The following EXTL3 variants were observed in gnomAD, a reference collection of about 807,000 sequenced individuals.
The protein encoded by EXTL3 is exostosin like glycosyltransferase 3.
Under a neutral mutation model 69.3 loss-of-function variants are expected in EXTL3, and 27 were observed. That is an observed-to-expected ratio of 0.39 (90% CI 0.29 to 0.54). EXTL3 has a LOEUF of 0.54. Among genes scored for constraint, EXTL3 ranks in the 20% least tolerant of loss-of-function variants. EXTL3 has a pLI of 0.69. For synonymous variants in EXTL3, 511 were observed against 499.4 expected (o/e 1.02, Z -0.31); for missense variants, 1,003 against 1,231.8 (o/e 0.81, Z 2.78).
intron 1 of EXTL3, among the ~76,000 whole-genome samples, chr8:28,694,507 C>G (rs909372267): frequency 6.6e-6 from 1 of 152,216 alleles, no homozygotes; most frequent in Non-Finnish European, 1.5e-5. Flanking sequence ...CGGAGCACAG[C>G]TGGTAAAGTT....
chr8:28,717,067 G>A lies in EXTL3; in HGVS notation c.1008G>A (p.Pro336=), dbSNP rs1447935875. ...TCATGGAAATCCCACCACAGGTGCC[G>A]GTGAAGCGGAAATATCTCTTCACCT... ...PNFMEIPPQV[P]VKRKYLFTFQ... Residue 336 remains proline (P), a synonymous_variant, in exon 3 of 7, where the codon CCG becomes CCA. Coordinates refer to ENST00000220562, the MANE Select transcript of EXTL3 (RefSeq NM_001440.4). The surrounding 1 kb of genome is among the most constrained non-coding windows in gnomAD (Gnocchi z 8.3). 11 of 1,614,184 alleles carry A rather than the reference G, an allele frequency of 6.8e-6. No individual in the cohort carries two copies. The highest frequency in any genetic ancestry group is 3.3e-5 in the South Asian group (3 of 91,078).
chr8:28,705,788 T>C (rs1380674367), intron 1 of EXTL3, among the ~76,000 whole-genome samples: 1 of 152,218 alleles, frequency 6.6e-6, no homozygotes, highest in Non-Finnish European at 1.5e-5. Flanking sequence ...AAAATCCATC[T>C]GAAGACCTTA....
intron 1 of EXTL3, among the ~76,000 whole-genome samples, chr8:28,692,356 G>A (rs1563205754): frequency 1.3e-5 from 2 of 152,148 alleles, no homozygotes; most frequent in Non-Finnish European, 2.9e-5. Flanking sequence ...TTATTATTGT[G>A]TTCTGGGATT....
intron 1 of EXTL3, among the ~76,000 whole-genome samples, chr8:28,627,962 A>G (rs1328521889): frequency 6.6e-6 from 1 of 152,178 alleles, no homozygotes; most frequent in African/African-American, 2.4e-5. Flanking sequence ...TTTAATGGGT[A>G]CAGAGTTTCA....
rs150492641 is a variant in EXTL3 at position 28,638,526 on chromosome 8, C to G, written c.-53+15716C>G. ...CTCTTTCCAAGTGATGGCAAAATGCCTGCCAGCATCTCCAAGCTGAGACCC... is the reference window on the plus strand; with the variant it reads ...CTCTTTCCAAGTGATGGCAAAATGCGTGCCAGCATCTCCAAGCTGAGACCC... On this transcript the variant is annotated intron_variant, in intron 1 of 6. Transcript: ENST00000523149. Among the ~76,000 whole-genome samples, 37 of 152,334 alleles carry G rather than the reference C, an allele frequency of 2.4e-4. 1 individual carries two copies. Among genetic ancestry groups the G allele is most frequent in the African/African-American group, 8.7e-4 (36 of 41,584 alleles).
intron 1 of EXTL3, chr8:28,678,142 G>C (rs1807419082): frequency 6.6e-6 from 1 of 152,480 alleles, no homozygotes; most frequent in Non-Finnish European, 1.5e-5. Context: ...AAGAAGGCAC[G>C]TGGCCTGTGG....
At chr8:28,673,324 G>A (rs907951397) in intron 1 of EXTL3, among the ~76,000 whole-genome samples, 6 of 152,146 alleles carry the variant, frequency 3.9e-5, no homozygotes, top group South Asian at 2.1e-4. Context: ...GTGTCTTTGC[G>A]GGTGTTTCTG....
chr8:28,694,186 G>A (rs1444632546), intron 1 of EXTL3, among the ~76,000 whole-genome samples: 2 of 152,144 alleles, frequency 1.3e-5, no homozygotes, highest in Non-Finnish European at 2.9e-5. Context: ...AAACACGTGG[G>A]GAAAAATAAG....
intron 1 of EXTL3, among the ~76,000 whole-genome samples, chr8:28,648,501 G>A (rs59527769): frequency 0.069 from 10,534 of 152,180 alleles, 946 homozygotes; most frequent in African/African-American, 0.2. Context: ...ATAACATCTC[G>A]TAGTCACTAC....
At position 28,731,272 on chromosome 8, in the gene EXTL3, A is replaced by G; in HGVS notation, c.2198A>G (p.Asn733Ser). 2 of 1,614,210 alleles carry G rather than the reference A, an allele frequency of 1.2e-6. No homozygotes were observed. The highest frequency in any genetic ancestry group is 2.2e-5 in the South Asian group (2 of 91,084). Residue 733 changes from asparagine to serine, a missense_variant, in exon 4 of 7, where the codon AAT becomes AGT. By Grantham distance (46) the Asn-to-Ser change is conservative. This residue lies in a region of EXTL3 where 261 missense variants were observed against 416.4 expected (regional missense o/e 0.63). Coordinates refer to ENST00000220562, the MANE Select transcript of EXTL3 (RefSeq NM_001440.4). ...NSLNNRFLPW[N>S]EIETEAILSI... ...TTGAACAACCGATTCTTACCCTGGA[A>G]TGAAATTGAGACAGAGGCCATCCTG...
chr8:28,608,724 C>A lies in EXTL3; in HGVS notation n.314+966C>A, dbSNP rs146510961. 2.7e-3 allele frequency among the ~76,000 whole-genome samples: 408 copies of A among 151,988 alleles called. 5 individuals are homozygous for A. The highest frequency in any genetic ancestry group is 8.7e-3 in the African/African-American group (361 of 41,412). ...CCAAAAATACAAAAACTTAGCCGGT[C>A]CTGGTGGCTCACATCTGTGGTCCCA... On this transcript the variant is annotated intron_variant and non_coding_transcript_variant, in intron 2 of 4. Transcript: ENST00000522725.
chr8:28,686,655 G>A (rs1807582641), intron 1 of EXTL3, among the ~76,000 whole-genome samples: 1 of 152,168 alleles, frequency 6.6e-6, no homozygotes, highest in African/African-American at 2.4e-5. Flanking sequence ...TAAAGCCAGC[G>A]ATGATAGTAC....
intron 1 of EXTL3, among the ~76,000 whole-genome samples, chr8:28,673,591 G>A (rs542232773): frequency 3.5e-4 from 53 of 152,160 alleles, no homozygotes; most frequent in Non-Finnish European, 6.8e-4. Context: ...CTTACAGAAA[G>A]GCTGGTCATG....
At chr8:28,683,033 A>G (rs1807518338) in intron 1 of EXTL3, among the ~76,000 whole-genome samples, 2 of 151,944 alleles carry the variant, frequency 1.3e-5, no homozygotes, top group Admixed American at 1.3e-4. Context: ...TTCCCGTTGT[A>G]TGTTCTCAGT....
chr8:28,756,424 AATAG>A (rs1274484082), downstream of EXTL3, among the ~76,000 whole-genome samples: 1 of 152,192 alleles, frequency 6.6e-6, no homozygotes, highest in Non-Finnish European at 1.5e-5. Context: ...ATCGTTGCTG[AATAG>A]ATTGGTGATT....
rs1169719009 is a variant in EXTL3 at position 28,754,618 on chromosome 8, G to A, written c.*3752G>A. 1 of 152,266 alleles carries A rather than the reference G, an allele frequency of 6.6e-6. No individual in the cohort carries two copies. The highest frequency in any genetic ancestry group is 1.5e-5 in the Non-Finnish European group (1 of 68,084). The allele number at this position is 152,266 out of a possible 1,614,324, so 9.4% of individuals were successfully genotyped here. On this transcript the variant is annotated 3_prime_UTR_variant, in exon 7 of 7. Transcript: ENST00000220562. ...AAGGTGGCATGAGGCTGTAGAAAATGTGTCTTCCTATACACAGAGATATGA... is the reference window on the plus strand; with the variant it reads ...AAGGTGGCATGAGGCTGTAGAAAATATGTCTTCCTATACACAGAGATATGA...
intron 1 of EXTL3, among the ~76,000 whole-genome samples, chr8:28,695,397 G>A (rs748051985): frequency 1.6e-4 from 25 of 152,158 alleles, no homozygotes; most frequent in Non-Finnish European, 1.0e-4. Context: ...AAAGTGCTGG[G>A]ATTATGAGGA....
intron 1 of EXTL3, among the ~76,000 whole-genome samples, chr8:28,674,834 C>T (rs1807353666): frequency 6.6e-6 from 1 of 152,140 alleles, no homozygotes; most frequent in South Asian, 2.1e-4. Flanking sequence ...CATTCCCAAC[C>T]CTCAGTGGTA....
intron 2 of EXTL3, among the ~76,000 whole-genome samples, chr8:28,614,104 A>G (rs569910422): frequency 6.6e-6 from 1 of 152,072 alleles, no homozygotes; most frequent in Admixed American, 6.6e-5. Context: ...CCCTAGGATT[A>G]TAGGCATGAG....
Sources: gnomAD v4.1 joint callset for allele counts (sites outside exome capture counted in the v4.1 genomes callset) on GRCh38, gnomAD v4.1.1 for gene constraint, gnomAD v4.1.1 regional missense constraint, Gnocchi (gnomAD v3.1) non-coding constraint, MANE v1.5 for transcripts, NCBI Gene and HGNC (gene_info 2026-07-23, HGNC 2026-07-21) for gene names.